The following RPRD2 variants were observed in gnomAD, a reference collection of about 807,000 sequenced individuals.
RPRD2 encodes regulation of nuclear pre-mRNA domain-containing protein 2.
RPRD2 carries 12 observed loss-of-function variants against 104.4 expected under a neutral mutation model. The observed-to-expected ratio is 0.11, with a 90% CI of 0.07 to 0.19. The LOEUF is 0.19. Among genes scored for constraint, RPRD2 ranks in the 10% least tolerant of loss-of-function variants. The pLI is 1.00. For missense variants in RPRD2, 1,543 were observed against 1,790.1 expected (o/e 0.86, Z 2.49); for synonymous variants, 714 against 684.9 (o/e 1.04, Z -0.66).
intron 7 of RPRD2, among the ~76,000 whole-genome samples, chr1:150,447,162 G>A (rs1156996144): frequency 6.6e-6 from 1 of 151,676 alleles, no homozygotes; most frequent in Non-Finnish European, 1.5e-5. Flanking sequence ...GTAGAGATGG[G>A]GTTTCTCCAT....
At chr1:150,438,259 C>T (rs1406651055) in intron 2 of RPRD2, among the ~76,000 whole-genome samples, 1 of 151,932 alleles carries the variant, frequency 6.6e-6, no homozygotes, top group Non-Finnish European at 1.5e-5. Context: ...CACTGCACTC[C>T]GGCCTGGGCG....
intron 8 of RPRD2, among the ~76,000 whole-genome samples, chr1:150,457,928 G>A (rs781938320): frequency 1.4e-4 from 22 of 151,998 alleles, no homozygotes; most frequent in Non-Finnish European, 2.5e-4. Context: ...AAACTTATCC[G>A]GGTATGGTGG....
At chr1:150,374,535 G>A (rs1453999368) in intron 1 of RPRD2, among the ~76,000 whole-genome samples, 2 of 152,168 alleles carry the variant, frequency 1.3e-5, no homozygotes, top group Admixed American at 1.3e-4. Context: ...CATGGGAAGT[G>A]GGGGGCAGTC....
chr1:150,461,117 A>G (rs1667904012), intron 9 of RPRD2, among the ~76,000 whole-genome samples: 1 of 151,834 alleles, frequency 6.6e-6, no homozygotes, highest in East Asian at 1.9e-4. Context: ...TATCTAGGCC[A>G]GGCGTGGTGG....
intron 1 of RPRD2, among the ~76,000 whole-genome samples, chr1:150,406,536 A>C (rs1031944973): frequency 3.3e-5 from 5 of 152,078 alleles, no homozygotes; most frequent in Non-Finnish European, 7.4e-5. Flanking sequence ...CCTCTTGAGT[A>C]GCTGAGATTA....
At chr1:150,393,159 A>C (rs1249205513) in intron 1 of RPRD2, among the ~76,000 whole-genome samples, 1 of 152,126 alleles carries the variant, frequency 6.6e-6, no homozygotes, top group Non-Finnish European at 1.5e-5. Flanking sequence ...AAAGACGTTA[A>C]GACCCAAACC....
At chr1:150,392,244 C>T (rs1208202298) in intron 1 of RPRD2, among the ~76,000 whole-genome samples, 1 of 151,854 alleles carries the variant, frequency 6.6e-6, no homozygotes, top group Non-Finnish European at 1.5e-5. Flanking sequence ...CAGTGGCTCA[C>T]GCCTGTAATC....
At chr1:150,372,975 G>A (rs587760121) in intron 1 of RPRD2, among the ~76,000 whole-genome samples, 4 of 152,088 alleles carry the variant, frequency 2.6e-5, no homozygotes, top group Admixed American at 6.6e-5. Flanking sequence ...TATTCAGAGT[G>A]AGATGGTGAG....
At chr1:150,433,923 A>G (rs1312318345) in intron 2 of RPRD2, among the ~76,000 whole-genome samples, 1 of 131,746 alleles carries the variant, frequency 7.6e-6, no homozygotes, top group African/African-American at 2.8e-5. Context: ...TATAGTGTGT[A>G]TACACACACA....
At chr1:150,429,560 G>T (rs1267087455) in intron 2 of RPRD2, among the ~76,000 whole-genome samples, 2 of 152,066 alleles carry the variant, frequency 1.3e-5, no homozygotes, top group South Asian at 2.1e-4. Context: ...TCACCATGTT[G>T]CCCAGGCTGG....
At chr1:150,366,063 C>T (rs1553877102) in intron 1 of RPRD2, among the ~76,000 whole-genome samples, 1 of 152,172 alleles carries the variant, frequency 6.6e-6, no homozygotes, top group Non-Finnish European at 1.5e-5. Flanking sequence ...CAGAAACGAG[C>T]TCTGTTAAAG....
chr1:150,473,285 G>A lies in RPRD2; in HGVS notation c.4337G>A (p.Gly1446Asp). Residue 1446 changes from glycine to aspartate, a missense_variant, in exon 11 of 11, where the codon GGC becomes GAC. Coordinates refer to ENST00000369068, the MANE Select transcript of RPRD2 (RefSeq NM_015203.5). The stretch of plus-strand genomic sequence containing the variant: ...AGACCCAGGCCACCTTTTGCTAGGG[G>A]CCCTCCGTTCTTTGCACCAAAACGC... ...LKRPRPPFAR[G>D]PPFFAPKRPF... 6.2e-7 allele frequency: 1 copy of A among 1,613,720 alleles called. No homozygotes were observed. Among genetic ancestry groups the A allele is most frequent in the Middle Eastern group, 1.7e-4 (1 of 5,984 alleles).
At chr1:150,450,078 A>G (rs1324129847) in intron 7 of RPRD2, among the ~76,000 whole-genome samples, 1 of 152,172 alleles carries the variant, frequency 6.6e-6, no homozygotes, top group Non-Finnish European at 1.5e-5. Flanking sequence ...TAGTTGGTTT[A>G]CTTTTCAGTT....
At chr1:150,372,005 A>G (rs1327212123) in intron 1 of RPRD2, among the ~76,000 whole-genome samples, 4 of 152,116 alleles carry the variant, frequency 2.6e-5, no homozygotes, top group Admixed American at 6.6e-5. Flanking sequence ...AAAAAAAGGG[A>G]AAAAAATGGA....
chr1:150,459,086 T>C (rs16837048), intron 8 of RPRD2, among the ~76,000 whole-genome samples: 3,071 of 152,258 alleles, frequency 0.02, 131 homozygotes, highest in African/African-American at 0.071. Context: ...TCTGTCACTT[T>C]TGACCATCAA....
chr1:150,449,039 AG>A, intron 7 of RPRD2, among the ~76,000 whole-genome samples: 1 of 152,246 alleles, frequency 6.6e-6, no homozygotes, highest in East Asian at 1.9e-4. Flanking sequence ...CTGAGGTAGG[AG>A]GATCACTTGA....
At chr1:150,399,795 C>T (rs974400994) in intron 1 of RPRD2, among the ~76,000 whole-genome samples, 14 of 151,698 alleles carry the variant, frequency 9.2e-5, no homozygotes, top group African/African-American at 2.9e-4. Context: ...TATATATATG[C>T]TGCCTTGATT....
At chr1:150,444,460 T>G in intron 6 of RPRD2, 83 bp downstream of exon 6, 1 of 1,395,508 alleles carries the variant, frequency 7.2e-7, no homozygotes, top group African/African-American at 1.4e-5. Flanking sequence ...GTTTACCTCA[T>G]AAGGAGATCC....
chr1:150,402,398 C>T (rs1663108085), intron 1 of RPRD2, among the ~76,000 whole-genome samples: 1 of 152,142 alleles, frequency 6.6e-6, no homozygotes, highest in Non-Finnish European at 1.5e-5. Flanking sequence ...AGAGAACAAG[C>T]CAAGTATGGT....
Sources: allele counts gnomAD v4.1 joint callset (sites outside exome capture counted in the v4.1 genomes callset), GRCh38; gene constraint gnomAD v4.1.1; transcripts MANE v1.5; gene names NCBI Gene and HGNC (gene_info 2026-07-23, HGNC 2026-07-21).